TMEM132D: variants seen among roughly 807,000 people sequenced by gnomAD.
TMEM132D encodes the protein mature OL transmembrane protein.
In TMEM132D, 21 loss-of-function variants were observed where a neutral mutation model predicts 62.3. The observed-to-expected ratio is 0.34, with a 90% confidence interval of 0.24 to 0.49. The LOEUF is 0.49. TMEM132D is among the 20% of genes least tolerant of loss of function. The pLI is 0.99. For missense variants in TMEM132D, 1,346 were observed against 1,402.8 expected (o/e 0.96, Z 0.65); for synonymous variants, 621 against 575.6 (o/e 1.08, Z -1.13).
At chr12:129,866,170 C>T (rs1294829527) in intron 1 of TMEM132D, among the ~76,000 whole-genome samples, 2 of 151,832 alleles carry the variant, frequency 1.3e-5, no homozygotes, top group African/African-American at 2.4e-5. Flanking sequence ...ATCAAAACCA[C>T]AATGAGATAT....
chr12:129,683,332 C>T (rs1011548388), intron 2 of TMEM132D, among the ~76,000 whole-genome samples: 2 of 152,144 alleles, frequency 1.3e-5, no homozygotes, highest in African/African-American at 4.8e-5. Flanking sequence ...GTTTGTGCCT[C>T]TTCTGAAAAA....
chr12:129,126,315 C>T (rs1876211437), intron 5 of TMEM132D, among the ~76,000 whole-genome samples: 1 of 151,838 alleles, frequency 6.6e-6, no homozygotes, highest in South Asian at 2.1e-4. Context: ...GGCTCTGTCA[C>T]CTTGCAGCTA....
At chr12:129,189,356 GCT>G (rs995212668) in intron 5 of TMEM132D, among the ~76,000 whole-genome samples, 1 of 152,176 alleles carries the variant, frequency 6.6e-6, no homozygotes, top group African/African-American at 2.4e-5. Flanking sequence ...TGATGGGAAA[GCT>G]CTCTTTCAAG....
At chr12:129,864,029 T>A (rs34694643) in intron 1 of TMEM132D, among the ~76,000 whole-genome samples, 1 of 152,160 alleles carries the variant, frequency 6.6e-6, no homozygotes. Flanking sequence ...ACCTGCTAGT[T>A]CACTTCTAAA....
intron 3 of TMEM132D, among the ~76,000 whole-genome samples, chr12:129,449,213 C>T (rs1344115805): frequency 6.6e-6 from 1 of 152,206 alleles, no homozygotes; most frequent in Non-Finnish European, 1.5e-5. Context: ...AGTGTTTGAC[C>T]TGGGGAAAAC....
chr12:129,250,938 G>T (rs1880247501), intron 4 of TMEM132D, among the ~76,000 whole-genome samples: 1 of 152,174 alleles, frequency 6.6e-6, no homozygotes, highest in South Asian at 2.1e-4. Context: ...CGGTGGTATT[G>T]TGTATAATCA....
chr12:129,839,938 G>T (rs1873134202), intron 1 of TMEM132D: 1 of 150,470 alleles, frequency 6.6e-6, no homozygotes. Context: ...TTCACACAGG[G>T]TTCATGCAGT....
At chr12:129,216,586 G>T (rs1196040626) in intron 4 of TMEM132D, among the ~76,000 whole-genome samples, 2 of 152,146 alleles carry the variant, frequency 1.3e-5, no homozygotes, top group South Asian at 4.2e-4. Context: ...GCCTCCAGAG[G>T]GAGCATGGCC....
intron 1 of TMEM132D, among the ~76,000 whole-genome samples, chr12:129,888,878 T>C (rs74994513): frequency 0.02 from 2,975 of 152,314 alleles, 104 homozygotes; most frequent in African/African-American, 0.068. Context: ...TAAAGTGAGC[T>C]GGTTCTATTT....
chr12:129,557,841 G>A (rs147271012), intron 2 of TMEM132D, among the ~76,000 whole-genome samples: 1 of 152,276 alleles, frequency 6.6e-6, no homozygotes, highest in Non-Finnish European at 1.5e-5. Flanking sequence ...TCATTACATT[G>A]TATACCCTGG....
Position 129,073,096 on chromosome 12 carries a change from T to G in TMEM132D, c.*779A>C, listed in dbSNP as rs1172758324. ...GAATAGAAATGGATACATTGTGAAC[T>G]TGATATGAATCAAAAGAGCGTGGTT... On this transcript the variant is annotated 3_prime_UTR_variant, in exon 9 of 9. Transcript: ENST00000422113. The G allele has an allele frequency of 6.6e-6, 1 of 152,236 alleles. No individual in the cohort carries two copies. Among genetic ancestry groups the G allele is most frequent in the Non-Finnish European group, 1.5e-5 (1 of 68,048 alleles). The allele number at this position is 152,236 out of a possible 1,614,324, so 9.4% of individuals were successfully genotyped here.
chr12:129,539,857 C>T (rs1381964964), intron 2 of TMEM132D, among the ~76,000 whole-genome samples: 2 of 152,146 alleles, frequency 1.3e-5, no homozygotes, highest in Non-Finnish European at 2.9e-5. Flanking sequence ...AGCTCAAAGC[C>T]AGAAACGGGC....
chr12:129,826,586 G>A (rs1237933252), intron 1 of TMEM132D, among the ~76,000 whole-genome samples: 1 of 152,178 alleles, frequency 6.6e-6, no homozygotes, highest in African/African-American at 2.4e-5. Context: ...TACTCATGAA[G>A]TGCTGGAATC....
chr12:129,575,472 G>T (rs1877634838), intron 2 of TMEM132D, among the ~76,000 whole-genome samples: 1 of 151,860 alleles, frequency 6.6e-6, no homozygotes, highest in Admixed American at 6.6e-5. Context: ...GGTCAAACCT[G>T]AAGTGATTAC....
In TMEM132D at chr12:129,700,463, C is replaced by A. The variant is rs386352372; in HGVS notation, c.315G>T (p.Val105=). 34 of 1,613,978 alleles carry A rather than the reference C, an allele frequency of 2.1e-5. No individual in the cohort carries two copies. Among genetic ancestry groups the A allele is most frequent in the Non-Finnish European group, 2.6e-5 (31 of 1,180,024 alleles). The change falls in exon 2 of 9, where the codon GTG becomes GTT. Residue 105 remains valine, a synonymous_variant. Coordinates refer to ENST00000422113, the MANE Select transcript of TMEM132D (RefSeq NM_133448.3). ...AAGGTAGCATTAAATCCTGGGGCACCACTTGCTCGATGGAGAAAGGCCCGT... is the reference window on the plus strand; with the variant it reads ...AAGGTAGCATTAAATCCTGGGGCACAACTTGCTCGATGGAGAAAGGCCCGT... ...ASYGPFSIEQ[V]VPQDLMLPSN...
chr12:129,155,368 G>A (rs1877207163), intron 5 of TMEM132D, among the ~76,000 whole-genome samples: 1 of 152,106 alleles, frequency 6.6e-6, no homozygotes, highest in African/African-American at 2.4e-5. Flanking sequence ...TGTTAGTTTT[G>A]TATAAAAAGC....
intron 2 of TMEM132D, among the ~76,000 whole-genome samples, chr12:129,550,348 G>A (rs1876860064): frequency 1.3e-5 from 2 of 152,156 alleles, no homozygotes; most frequent in African/African-American, 4.8e-5. Flanking sequence ...CTGTAAAATG[G>A]GATTTGTCTA....
At chr12:129,584,495 T>C (rs1877964432) in intron 2 of TMEM132D, among the ~76,000 whole-genome samples, 2 of 152,194 alleles carry the variant, frequency 1.3e-5, no homozygotes, top group Admixed American at 1.3e-4. Flanking sequence ...CCCCCTCCCT[T>C]TGACTTTAGG....
intron 1 of TMEM132D, among the ~76,000 whole-genome samples, chr12:129,722,709 T>G (rs921382059): frequency 6.6e-6 from 1 of 151,358 alleles, no homozygotes; most frequent in Admixed American, 6.6e-5. Context: ...TTCCTGGTTG[T>G]TTTCATCAAT....
Sources: allele counts gnomAD v4.1 joint callset (sites outside exome capture counted in the v4.1 genomes callset), GRCh38; gene constraint gnomAD v4.1.1; transcripts MANE v1.5; gene names NCBI Gene and HGNC (gene_info 2026-07-23, HGNC 2026-07-21).